Variants in IAH1 observed in about 807,000 individuals in gnomAD.
IAH1 encodes the protein isoamyl acetate hydrolyzing esterase 1 (putative).
Under a neutral mutation model 26.7 loss-of-function variants are expected in IAH1, and 24 were observed. The observed-to-expected ratio is 0.90, with a 90% confidence interval of 0.65 to 1.26. The LOEUF is 1.26. Ranked by LOEUF, IAH1 falls within the 50% of genes most tolerant of loss-of-function variation. The pLI is 0.00. For missense variants in IAH1, 300 were observed against 299.9 expected (o/e 1.00, Z 0.00); for synonymous variants, 140 against 118.5 (o/e 1.18, Z -1.18).
At chr2:9,491,104 G>A, downstream of IAH1, 1 of 1,612,660 alleles carries the variant, frequency 6.2e-7, no homozygotes, top group South Asian at 1.1e-5. Context: ...TACTTACACT[G>A]GGGTGAAACA....
At chr2:9,476,129 A>T in intron 2 of IAH1, 90 bp downstream of exon 2, 1 of 1,136,418 alleles carries the variant, frequency 8.8e-7, no homozygotes, top group South Asian at 1.3e-5. Flanking sequence ...TGAACAGAAC[A>T]TTCCTCCTTT....
At chr2:9,494,223 A>T (rs907437060), downstream of IAH1, among the ~76,000 whole-genome samples, 1 of 152,216 alleles carries the variant, frequency 6.6e-6, no homozygotes, top group Non-Finnish European at 1.5e-5. Flanking sequence ...TCTCTAGAGA[A>T]CAAAAGGGTC....
chr2:9,495,010 C>G, intron 6 of IAH1: 2 of 391,732 alleles, frequency 5.1e-6, no homozygotes, highest in Non-Finnish European at 9.3e-6. Context: ...ATTCTAGATT[C>G]AAGACCTCTC....
chr2:9,481,993 C>A (rs368340013), intron 4 of IAH1, among the ~76,000 whole-genome samples: 1 of 150,706 alleles, frequency 6.6e-6, no homozygotes, highest in South Asian at 2.1e-4. Context: ...CAAGGGTCAG[C>A]TGTATGTTAA....
chr2:9,493,097 A>G (rs182977365), downstream of IAH1: 2 of 837,140 alleles, frequency 2.4e-6, no homozygotes, highest in Non-Finnish European at 3.7e-6. Context: ...CTGGCTAGAC[A>G]TACTACCGAG....
Position 9,474,912 on chromosome 2 carries a change from C to A in IAH1, c.81+265C>A. On this transcript the variant is annotated intron_variant, in intron 1 of 5. Transcript: ENST00000497473. This position sits in a 1 kb window ranked among gnomAD's most constrained non-coding sequence, Gnocchi z 4.3. ...GGGGACCCGGCCGCGCTGCCCGCCC[C>A]GCGCCGCCTCCCACCCGGGTCGAGA... The A allele has an allele frequency of 4.2e-6, 3 of 706,202 alleles. No homozygotes were observed. Among genetic ancestry groups the A allele is most frequent in the East Asian group, 6.0e-5 (1 of 16,542 alleles). The allele number at this position is 706,202 out of a possible 1,614,324, so 43.7% of individuals were successfully genotyped here.
chr2:9,490,220 A>G (rs1662009471), downstream of IAH1: 1 of 1,600,006 alleles, frequency 6.2e-7, no homozygotes, highest in South Asian at 1.1e-5. Flanking sequence ...CTGACGCTGC[A>G]GTTTAAAGGA....
At chr2:9,484,660 T>G in intron 5 of IAH1, 110 bp downstream of exon 5, 1 of 714,226 alleles carries the variant, frequency 1.4e-6, no homozygotes, top group Non-Finnish European at 2.4e-6. Flanking sequence ...AAGACAGTCA[T>G]CCCTTTAGCC....
downstream of IAH1, chr2:9,493,019 C>G: frequency 6.5e-7 from 1 of 1,530,152 alleles, no homozygotes; most frequent in Non-Finnish European, 8.9e-7. Context: ...AATGTCTTGA[C>G]CAAGTACTTC....
intron 4 of IAH1, among the ~76,000 whole-genome samples, chr2:9,482,204 T>G (rs1404186900): frequency 6.6e-6 from 1 of 152,076 alleles, no homozygotes; most frequent in Non-Finnish European, 1.5e-5. Flanking sequence ...AATTTTTGCA[T>G]TTTTAGTAGA....
At chr2:9,496,968 C>T (rs1407969823), downstream of IAH1, 13 of 1,237,016 alleles carry the variant, frequency 1.1e-5, no homozygotes, top group Non-Finnish European at 1.4e-5. Flanking sequence ...TGTCTCCAGA[C>T]ACCACCCTGC....
the IAH1 span, among the ~76,000 whole-genome samples, chr2:9,504,622 G>T: frequency 6.6e-6 from 1 of 150,902 alleles, no homozygotes; most frequent in Non-Finnish European, 1.5e-5. Context: ...AATTAGCCGG[G>T]CATGGTGGTG....
downstream of IAH1, chr2:9,497,045 G>GAGGA: frequency 6.4e-7 from 1 of 1,574,776 alleles, no homozygotes; most frequent in Non-Finnish European, 8.6e-7. Flanking sequence ...CCTCCAAATG[G>GAGGA]AGGAAGGGAG....
the IAH1 span, chr2:9,510,047 T>C: frequency 1.9e-6 from 3 of 1,614,022 alleles, no homozygotes; most frequent in Non-Finnish European, 2.5e-6. Context: ...TGGTCCTCAT[T>C]CGGGGCACAT....
At chr2:9,482,657 CTGTTGTAT>C (rs1184450987) in intron 4 of IAH1, among the ~76,000 whole-genome samples, 1 of 152,220 alleles carries the variant, frequency 6.6e-6, no homozygotes, top group Non-Finnish European at 1.5e-5. Flanking sequence ...CAAGTCCTTA[CTGTTGTAT>C]GAGTTTACTG....
chr2:9,488,340 G>T lies in IAH1; in HGVS notation c.*11G>T, dbSNP rs745669885. The T allele has an allele frequency of 6.3e-7, 1 of 1,579,898 alleles. No homozygotes were observed. Among genetic ancestry groups the T allele is most frequent in the African/African-American group, 1.4e-5 (1 of 73,392 alleles). ...GATGGAGACCATTAGCCAATCACAG[G>T]AGACCCAAATCTGCTTGTTATCTAC... On this transcript the variant is annotated 3_prime_UTR_variant, in exon 6 of 6. Coordinates refer to ENST00000497473, the MANE Select transcript of IAH1 (RefSeq NM_001039613.3).
At chr2:9,490,151 T>TTAAG (rs752044573), downstream of IAH1, 54 of 1,559,488 alleles carry the variant, frequency 3.5e-5, no homozygotes, top group Admixed American at 9.7e-4. Flanking sequence ...TTTTGCACAC[T>TTAAG]TAAGTCAGAA....
intron 5 of IAH1, among the ~76,000 whole-genome samples, chr2:9,487,837 C>CGT (rs1448938576): frequency 4.1e-5 from 3 of 73,922 alleles, no homozygotes; most frequent in Admixed American, 1.2e-4. Flanking sequence ...TGTGTGTGCG[C>CGT]GCGCGCGCGC....
chr2:9,487,849 C>A (rs71437665), intron 5 of IAH1, among the ~76,000 whole-genome samples: 4 of 146,640 alleles, frequency 2.7e-5, no homozygotes, highest in Non-Finnish European at 4.5e-5. Flanking sequence ...CGCGCGCGCG[C>A]GCTGTGGGGG....
Sources: allele counts gnomAD v4.1 joint callset (sites outside exome capture counted in the v4.1 genomes callset), GRCh38; gene constraint gnomAD v4.1.1; non-coding constraint Gnocchi (gnomAD v3.1); transcripts MANE v1.5; gene names NCBI Gene and HGNC (gene_info 2026-07-23, HGNC 2026-07-21).